The following ALOX15 variants were observed in gnomAD, a reference collection of about 807,000 sequenced individuals.
ALOX15 encodes the protein arachidonate 15-lipoxygenase, also known as polyunsaturated fatty acid lipoxygenase ALOX15.
ALOX15 carries 68 observed loss-of-function variants against 71.7 expected under a neutral mutation model. That is an observed-to-expected ratio of 0.95 (90% confidence interval 0.78 to 1.16). The LOEUF (loss-of-function observed/expected upper bound fraction) is 1.16, where lower values mean the gene tolerates loss of function less well. ALOX15 is among the 50% of genes most tolerant of loss of function. ALOX15 has a pLI of 0.00. For synonymous variants in ALOX15, 346 were observed against 333.3 expected (o/e 1.04, Z -0.42); for missense variants, 798 against 818.8 (o/e 0.97, Z 0.31).
intron 5 of ALOX15, 21 bp from the exon 6 acceptor site, chr17:4,638,398 G>C: frequency 2.4e-6 from 2 of 842,200 alleles, no homozygotes; most frequent in Non-Finnish European, 3.8e-6. Context: ...CAGTTGTTGA[G>C]CAAGTTGTGG....
At chr17:4,634,695 T>G (rs1911033052) in intron 8 of ALOX15, among the ~76,000 whole-genome samples, 1 of 152,008 alleles carries the variant, frequency 6.6e-6, no homozygotes, top group African/African-American at 2.4e-5. Flanking sequence ...GTAATAAGAT[T>G]TGGCCGGCCA....
In ALOX15 at chr17:4,641,613, C is replaced by T; in HGVS notation, c.39G>A (p.Ser13=). 1.9e-6 allele frequency: 3 copies of T among 1,613,862 alleles called. No homozygotes were observed. The highest frequency in any genetic ancestry group is 4.5e-5 in the East Asian group (2 of 44,884). The change falls in exon 1 of 14, where the codon TCG becomes TCA. Residue 13 remains serine, a synonymous_variant. Transcript: ENST00000293761. ...LYRIRVSTGA[S]LYAGSNNQVQ... The stretch of plus-strand genomic sequence containing the variant: ...CCTGGTTGTTGGAACCGGCATAGAG[C>T]GAGGCCCCAGTGGACACGCGGATGC...
intron 6 of ALOX15, among the ~76,000 whole-genome samples, chr17:4,637,706 C>CA (rs1473345969): frequency 6.6e-6 from 1 of 152,132 alleles, no homozygotes; most frequent in African/African-American, 2.4e-5. Context: ...TCACTGTGCT[C>CA]AGCCTTATAA....
chr17:4,639,866 C>T, intron 1 of ALOX15: 2 of 513,812 alleles, frequency 3.9e-6, no homozygotes, highest in East Asian at 3.3e-5. Context: ...CCTTCACTTT[C>T]TCCTCCCTGT....
rs904500032 is a variant in ALOX15, at chr17:4,636,594, A to G, written c.951+521T>C. 2.6e-5 allele frequency among the ~76,000 whole-genome samples: 4 copies of G among 151,730 alleles called. No individual in the cohort carries two copies. In the South Asian group the frequency reaches 6.2e-4, roughly 24 times the overall value. ...GCTGGGGCATGTTGCCCCAGTCCCT[A>G]TTTCTAGCATCTCCCCTCTCCAACC... On this transcript the variant is annotated intron_variant, in intron 7 of 13. Transcript: ENST00000293761.
intron 1 of ALOX15, 77 bp from the exon 2 acceptor site, chr17:4,639,708 C>A: frequency 7.1e-7 from 1 of 1,399,066 alleles, no homozygotes; most frequent in Non-Finnish European, 9.8e-7. Context: ...CTCCCTCCAG[C>A]GCCCACGCCC....
At chr17:4,632,376 G>A (rs568551669) in intron 11 of ALOX15, 95 bp from the exon 12 acceptor site, 30 of 1,023,720 alleles carry the variant, frequency 2.9e-5, no homozygotes, top group Admixed American at 4.0e-5. Context: ...GCGAGAAAGA[G>A]CGGCAGGAAT....
chr17:4,636,868 C>G (rs1041954992), intron 7 of ALOX15, among the ~76,000 whole-genome samples: 7 of 152,114 alleles, frequency 4.6e-5, no homozygotes, highest in Non-Finnish European at 8.8e-5. Context: ...CCCACCTCCC[C>G]AATCCCTCCT....
intron 8 of ALOX15, among the ~76,000 whole-genome samples, chr17:4,634,206 A>G (rs894836678): frequency 7.9e-5 from 12 of 152,182 alleles, no homozygotes; most frequent in African/African-American, 2.9e-4. Context: ...AATACATAAA[A>G]ATAAAACCAC....
At position 4,639,497 on chromosome 17, in the gene ALOX15, G is replaced by C; in HGVS notation, c.270C>G (p.Asp90Glu). 1.2e-6 allele frequency: 2 copies of C among 1,613,968 alleles called. No individual in the cohort carries two copies. The highest frequency in any genetic ancestry group is 1.7e-6 in the Non-Finnish European group (2 of 1,180,024). The part of the protein sequence containing the change: ...WISVQGPGAG[D>E]EVRFPCYRWV... ...AGCGGTAACAAGGGAACCTGACCTCGTCCCCGGCTCCGGGGCCCTGCACAG... is the reference window on the plus strand; with the variant it reads ...AGCGGTAACAAGGGAACCTGACCTCCTCCCCGGCTCCGGGGCCCTGCACAG... Residue 90 changes from aspartate (D) to glutamate (E), a missense_variant, in exon 2 of 14, where the codon GAC becomes GAG. This residue lies in a region of ALOX15 where 300 missense variants were observed against 283.1 expected (regional missense o/e 1.06). Coordinates refer to ENST00000293761, the MANE Select transcript of ALOX15 (RefSeq NM_001140.5).
chr17:4,637,034 A>G, intron 7 of ALOX15, 81 bp downstream of exon 7: 1 of 1,515,092 alleles, frequency 6.6e-7, no homozygotes, highest in Non-Finnish European at 8.9e-7. Flanking sequence ...GCCTTTGCAG[A>G]TGGTGCTCAG....
chr17:4,632,602 A>T (rs1910951703), intron 11 of ALOX15, among the ~76,000 whole-genome samples: 1 of 152,272 alleles, frequency 6.6e-6, no homozygotes, highest in Non-Finnish European at 1.5e-5. Flanking sequence ...AAAAGCTACA[A>T]ATCAGGACGG....
At chr17:4,637,390 T>TGG in intron 6 of ALOX15, 132 bp from the exon 7 acceptor site, 1 of 1,064,224 alleles carries the variant, frequency 9.4e-7, no homozygotes, top group African/African-American at 1.6e-5. Context: ...ATGGATCATG[T>TGG]GCTTACTTCC....
In ALOX15 at chr17:4,631,703, T is replaced by TC; in HGVS notation, c.1885dup (p.Glu629GlyfsTer7). 2 of 1,614,122 alleles carry TC rather than the reference T, an allele frequency of 1.2e-6. No individual in the cohort carries two copies. Among genetic ancestry groups the TC allele is most frequent in the Non-Finnish European group, 1.7e-6 (2 of 1,180,022 alleles). ...AATTTCCTTATCCAGGGCAGCCAGCTCCTCCCTGAACTTCTTCAGCACAGC... is the reference window on the plus strand; with the variant it reads ...AATTTCCTTATCCAGGGCAGCCAGCTCCCTCCCTGAACTTCTTCAGCACAGC... On this transcript the variant is annotated frameshift_variant, in exon 14 of 14. Coordinates refer to ENST00000293761, the MANE Select transcript of ALOX15 (RefSeq NM_001140.5). LOFTEE classifies it low-confidence loss of function (END_TRUNC).
chr17:4,635,714 G>A, intron 8 of ALOX15, 45 bp downstream of exon 8: 8 of 1,600,422 alleles, frequency 5.0e-6, no homozygotes, highest in Non-Finnish European at 6.0e-6. Flanking sequence ...ACGTGCCCTG[G>A]GGCAGAGATA....
chr17:4,635,949 C>A lies in ALOX15; in HGVS notation c.971G>T (p.Gly324Val), dbSNP rs34013857. 1.6e-5 allele frequency: 26 copies of A among 1,613,730 alleles called. No homozygotes were observed. Among genetic ancestry groups the A allele is most frequent in the Non-Finnish European group, 2.2e-5 (26 of 1,180,022 alleles). Residue 324 changes from glycine (G) to valine (V), a missense_variant, in exon 8 of 14, where the codon GGA becomes GTA. By Grantham distance (109) the Gly-to-Val change is moderately radical. Around this residue, in one of 3 missense-constraint regions of ALOX15, gnomAD observed 490 missense variants for 509.4 expected, o/e 0.96. Coordinates refer to ENST00000293761, the MANE Select transcript of ALOX15 (RefSeq NM_001140.5). ...CAAGAAAAGGGGAGGTGGTGGGGAT[C>A]CTGTGCGGGGCAGCTGGAGCTGGAG... The part of the protein sequence containing the change: ...MVIQLQLPRT[G>V]SPPPPLFLPT...
intron 1 of ALOX15, among the ~76,000 whole-genome samples, chr17:4,640,692 T>C (rs1326381526): frequency 6.7e-6 from 1 of 149,058 alleles, no homozygotes; most frequent in African/African-American, 2.5e-5. Context: ...GGGCGTGGAG[T>C]GCGGGGAGCA....
chr17:4,635,745 G>A lies in ALOX15; in HGVS notation c.1161+14C>T. On this transcript the variant is annotated intron_variant, in intron 8 of 13. Coordinates refer to ENST00000293761, the MANE Select transcript of ALOX15 (RefSeq NM_001140.5). Reference sequence around the variant, plus strand: ...AGATAGTGGCAGGCAAGAGAGAAGGGGATAAGGAGTTACCTTGAAGATAGG... The same window carrying A: ...AGATAGTGGCAGGCAAGAGAGAAGGAGATAAGGAGTTACCTTGAAGATAGG... 7 of 1,613,836 alleles carry A rather than the reference G, an allele frequency of 4.3e-6. No homozygotes were observed. The highest frequency in any genetic ancestry group is 5.9e-6 in the Non-Finnish European group (7 of 1,179,778).
Position 4,633,190 on chromosome 17 carries a change from G to A in ALOX15, c.1374C>T (p.Ser458=), listed in dbSNP as rs1288030103. ...ADRGLLGVKS[S]FYAQDALRLW... ...GCCGCAGCGCATCTTGGGCATAGAA[G>A]GAAGACTTCACTCCCAGGAGCCCCC... is the stretch of plus-strand genomic sequence containing the variant. The change falls in exon 10 of 14, where the codon TCC becomes TCT. Residue 458 remains serine, a synonymous_variant. Coordinates refer to ENST00000293761, the MANE Select transcript of ALOX15 (RefSeq NM_001140.5). 3 of 1,614,048 alleles carry A rather than the reference G, an allele frequency of 1.9e-6. No individual in the cohort carries two copies. Among genetic ancestry groups the A allele is most frequent in the South Asian group, 2.2e-5 (2 of 91,084 alleles).
Sources: gnomAD v4.1 joint callset for allele counts (sites outside exome capture counted in the v4.1 genomes callset) on GRCh38, gnomAD v4.1.1 for gene constraint, gnomAD v4.1.1 regional missense constraint, MANE v1.5 for transcripts, NCBI Gene and HGNC (gene_info 2026-07-23, HGNC 2026-07-21) for gene names.